The following IFNE variants were observed in gnomAD, a reference collection of about 807,000 sequenced individuals.
IFNE encodes IFN-epsilon.
For missense variants in IFNE, 276 were observed against 232.4 expected (o/e 1.19, Z -1.22); for synonymous variants, 94 against 87.4 (o/e 1.08, Z -0.42).
chr9:21,481,291 A>C lies in IFNE; in HGVS notation c.404T>G (p.Leu135Trp). Residue 135 changes from leucine (L) to tryptophan (W), a missense_variant, in exon 1 of 1, where the codon TTG (leucine) becomes TGG (tryptophan). Coordinates refer to ENST00000448696, the MANE Select transcript of IFNE (RefSeq NM_176891.5). Reference sequence around the variant, plus strand: ...TTGTAATCTAAGGTTATCACTACCCAAAGTACCACTTAGCTTCTCTGCTTC... The same window carrying C: ...TTGTAATCTAAGGTTATCACTACCCCAAGTACCACTTAGCTTCTCTGCTTC... Reference protein sequence around the residue: ...GLEAEKLSGTLGSDNLRLQVK... With the variant: ...GLEAEKLSGTWGSDNLRLQVK... 1.2e-6 allele frequency: 2 copies of C among 1,614,144 alleles called. No homozygotes were observed. The highest frequency in any genetic ancestry group is 1.7e-6 in the Non-Finnish European group (2 of 1,179,996).
Position 21,481,569 on chromosome 9 carries a change from C to A in IFNE, c.126G>T (p.Leu42Phe). Residue 42 changes from leucine (L) to phenylalanine (F), a missense_variant, in exon 1 of 1, where the codon TTG (leucine) becomes TTT (phenylalanine). Coordinates refer to ENST00000448696, the MANE Select transcript of IFNE (RefSeq NM_176891.5). The part of the protein sequence containing the change: ...RQVNQESLKL[L>F]NKLQTLSIQQ... ...GAATTGACAAGGTTTGCAACTTATT[C>A]AAGAGTTTTAAACTTTCTTGATTCA... is the stretch of plus-strand genomic sequence containing the variant. 6.2e-7 allele frequency: 1 copy of A among 1,614,092 alleles called. No homozygotes were observed. Among genetic ancestry groups the A allele is most frequent in the Non-Finnish European group, 8.5e-7 (1 of 1,179,994 alleles).
In IFNE at chr9:21,481,328, G is replaced by A; in HGVS notation, c.367C>T (p.Leu123Phe). 1 of 1,614,148 alleles carries A rather than the reference G, an allele frequency of 6.2e-7. No individual in the cohort carries two copies. The highest frequency in any genetic ancestry group is 8.5e-7 in the Non-Finnish European group (1 of 1,179,994). The change falls in exon 1 of 1, where the codon CTC (leucine) becomes TTC (phenylalanine). Residue 123 changes from leucine to phenylalanine, a missense_variant. Coordinates refer to ENST00000448696, the MANE Select transcript of IFNE (RefSeq NM_176891.5). ...LHQQLEYLEA[L>F]MGLEAEKLSG... ...AGCTTCTCTGCTTCCAGTCCCATGA[G>A]TGCTTCTAGGTATTCTAGCTGTTGA...
rs1309827228 is a variant in IFNE at position 21,481,317 on chromosome 9, C to T, written c.378G>A (p.Leu126=). Residue 126 remains leucine (L), a synonymous_variant, in exon 1 of 1, where the codon CTG becomes CTA. Transcript: ENST00000448696. ...AAGTACCACTTAGCTTCTCTGCTTC[C>T]AGTCCCATGAGTGCTTCTAGGTATT... ...QLEYLEALMG[L]EAEKLSGTLG... The T allele has an allele frequency of 6.2e-7, 1 of 1,614,142 alleles. No homozygotes were observed. Among genetic ancestry groups the T allele is most frequent in the Admixed American group, 1.7e-5 (1 of 60,024 alleles).
Position 21,481,498 on chromosome 9 carries a change from G to A in IFNE, c.197C>T (p.Ser66Phe). The change falls in exon 1 of 1, where the codon TCT (serine) becomes TTT (phenylalanine). Residue 66 changes from serine to phenylalanine, a missense_variant. Coordinates refer to ENST00000448696, the MANE Select transcript of IFNE (RefSeq NM_176891.5). Reference protein sequence around the residue: ...HRKNFLLPQKSLSPQQYQKGH... With the variant: ...HRKNFLLPQKFLSPQQYQKGH... ...TTTTTGGTACTGCTGAGGACTCAAA[G>A]ACTTCTGAGGAAGCAGAAAGTTTTT... 6.2e-7 allele frequency: 1 copy of A among 1,614,054 alleles called. No individual in the cohort carries two copies. Among genetic ancestry groups the A allele is most frequent in the Non-Finnish European group, 8.5e-7 (1 of 1,179,950 alleles).
In IFNE at chr9:21,482,262, A is replaced by C. The variant is rs1465724864; in HGVS notation, c.-568T>G. The C allele has an allele frequency of 6.0e-6, 1 of 166,788 alleles. No individual in the cohort carries two copies. Among genetic ancestry groups the C allele is most frequent in the East Asian group, 1.9e-4 (1 of 5,196 alleles). 10.3% of individuals were successfully genotyped at this position (166,788 alleles called of 1,614,324 possible). A position where few individuals can be genotyped will look rare whatever the true frequency, so the allele number is the denominator to read the frequency against. On this transcript the variant is annotated 5_prime_UTR_variant, in exon 1 of 1. Transcript: ENST00000448696. ...GCAAATAATTAATTTTAAAACATATATCAGCAATCTTAAATTATTTTATAT... is the reference window on the plus strand; with the variant it reads ...GCAAATAATTAATTTTAAAACATATCTCAGCAATCTTAAATTATTTTATAT...
rs1282500831 is a variant in IFNE at position 21,481,888 on chromosome 9, T to A, written c.-194A>T. The A allele has an allele frequency of 3.4e-6, 2 of 580,388 alleles. No individual in the cohort carries two copies. Among genetic ancestry groups the A allele is most frequent in the East Asian group, 3.0e-5 (1 of 33,474 alleles). 36.0% of individuals were successfully genotyped at this position (580,388 alleles called of 1,614,324 possible). Reference sequence around the variant, plus strand: ...CTTTTCATGGTGTTCAGAGTACATTTTCTCCATTTCCCTATTGTGTTGGCT... The same window carrying A: ...CTTTTCATGGTGTTCAGAGTACATTATCTCCATTTCCCTATTGTGTTGGCT... On this transcript the variant is annotated 5_prime_UTR_variant, in exon 1 of 1. The change creates a premature stop within an existing upstream ORF in the 5' untranslated region. Transcript: ENST00000448696.
At position 21,481,871 on chromosome 9, in the gene IFNE, G is replaced by A. The variant is rs995766872; in HGVS notation, c.-177C>T. 2 of 619,326 alleles carry A rather than the reference G, an allele frequency of 3.2e-6. No homozygotes were observed. Among genetic ancestry groups the A allele is most frequent in the African/African-American group, 1.9e-5 (1 of 53,716 alleles). 38.4% of individuals were successfully genotyped at this position (619,326 alleles called of 1,614,324 possible). Reference sequence around the variant, plus strand: ...TTAGATTTTCAGGTTCCCTTTTCATGGTGTTCAGAGTACATTTTCTCCATT... The same window carrying A: ...TTAGATTTTCAGGTTCCCTTTTCATAGTGTTCAGAGTACATTTTCTCCATT... On this transcript the variant is annotated 5_prime_UTR_variant, in exon 1 of 1. Coordinates refer to ENST00000448696, the MANE Select transcript of IFNE (RefSeq NM_176891.5).
At position 21,481,450 on chromosome 9, in the gene IFNE, T is replaced by C. The variant is rs1819040428; in HGVS notation, c.245A>G (p.His82Arg). 9 of 1,614,052 alleles carry C rather than the reference T, an allele frequency of 5.6e-6. No homozygotes were observed. The South Asian group carries it at 6.6e-5, about 12-fold the overall frequency. The change falls in exon 1 of 1, where the codon CAT (histidine) becomes CGT (arginine). Residue 82 changes from histidine to arginine, a missense_variant. By Grantham distance (29) the His-to-Arg change is conservative. Coordinates refer to ENST00000448696, the MANE Select transcript of IFNE (RefSeq NM_176891.5). ...GCTGAAGATCTGCTGAAGCATCTCATGGAGAATGGCCAGAGTGTGTCCTTT... is the reference window on the plus strand; with the variant it reads ...GCTGAAGATCTGCTGAAGCATCTCACGGAGAATGGCCAGAGTGTGTCCTTT... ...YQKGHTLAILHEMLQQIFSLF... is the reference protein window; with the variant it reads ...YQKGHTLAILREMLQQIFSLF...
In IFNE at chr9:21,481,032, A is replaced by G; in HGVS notation, c.*36T>C. The G allele has an allele frequency of 6.6e-7, 1 of 1,507,864 alleles. No homozygotes were observed. The highest frequency in any genetic ancestry group is 8.9e-7 in the Non-Finnish European group (1 of 1,118,228). 93.4% of individuals were successfully genotyped at this position (1,507,864 alleles called of 1,614,324 possible). A position where few individuals can be genotyped will look rare whatever the true frequency, so the allele number is the denominator to read the frequency against. On this transcript the variant is annotated 3_prime_UTR_variant, in exon 1 of 1. Transcript: ENST00000448696. ...TATAAATTGTATTACCACTCTATGAAGAATCATGTCTGGAGAAGTCCTCTA... is the reference window on the plus strand; with the variant it reads ...TATAAATTGTATTACCACTCTATGAGGAATCATGTCTGGAGAAGTCCTCTA...
rs1819041037 is a variant in IFNE at position 21,481,466 on chromosome 9, T to G, written c.229A>C (p.Thr77Pro). The part of the protein sequence containing the change: ...LSPQQYQKGH[T>P]LAILHEMLQQ... ...AGCATCTCATGGAGAATGGCCAGAG[T>G]GTGTCCTTTTTGGTACTGCTGAGGA... The change falls in exon 1 of 1, where the codon ACT (threonine) becomes CCT (proline). Residue 77 changes from threonine (T) to proline (P), a missense_variant. By Grantham distance (38) the Thr-to-Pro change is conservative. Coordinates refer to ENST00000448696, the MANE Select transcript of IFNE (RefSeq NM_176891.5). The G allele has an allele frequency of 2.9e-5, 47 of 1,613,944 alleles. No homozygotes were observed. Among genetic ancestry groups the G allele is most frequent in the East Asian group, 4.5e-5 (2 of 44,882 alleles).
rs376733508 is a variant in IFNE at position 21,481,058 on chromosome 9, G to A, written c.*10C>T. The A allele has an allele frequency of 4.4e-6, 7 of 1,587,286 alleles. No individual in the cohort carries two copies. In the African/African-American group the frequency reaches 9.5e-5, roughly 22 times the overall value. On this transcript the variant is annotated 3_prime_UTR_variant, in exon 1 of 1. Transcript: ENST00000448696. ...GAATCATGTCTGGAGAAGTCCTCTA[G>A]TCCCTCCACCTACCTCGGGCTTCTA...
At position 21,481,548 on chromosome 9, in the gene IFNE, T is replaced by C. The variant is rs1164706577; in HGVS notation, c.147A>G (p.Ser49=). Residue 49 remains serine, a synonymous_variant, in exon 1 of 1, where the codon TCA becomes TCG. Transcript: ENST00000448696. ...LKLLNKLQTL[S]IQQCLPHRKN... ...TCCTGTGTGGTAGACACTGCTGAAT[T>C]GACAAGGTTTGCAACTTATTCAAGA... is the stretch of plus-strand genomic sequence containing the variant. The C allele has an allele frequency of 6.2e-7, 1 of 1,614,134 alleles. No homozygotes were observed. Among genetic ancestry groups the C allele is most frequent in the Admixed American group, 1.7e-5 (1 of 60,026 alleles).
rs1426102061 is a variant in IFNE at position 21,481,867 on chromosome 9, T to C, written c.-173A>G. ...CACATTAGATTTTCAGGTTCCCTTTTCATGGTGTTCAGAGTACATTTTCTC... is the reference window on the plus strand; with the variant it reads ...CACATTAGATTTTCAGGTTCCCTTTCCATGGTGTTCAGAGTACATTTTCTC... On this transcript the variant is annotated 5_prime_UTR_variant, in exon 1 of 1. Transcript: ENST00000448696. 3.2e-6 allele frequency: 2 copies of C among 631,658 alleles called. No homozygotes were observed. Among genetic ancestry groups the C allele is most frequent in the East Asian group, 5.6e-5 (2 of 35,510 alleles). 39.1% of individuals were successfully genotyped at this position (631,658 alleles called of 1,614,324 possible). A position where few individuals can be genotyped will look rare whatever the true frequency, so the allele number is the denominator to read the frequency against.
chr9:21,481,378 G>A lies in IFNE; in HGVS notation c.317C>T (p.Thr106Met), dbSNP rs147289613. 69 of 1,614,000 alleles carry A rather than the reference G, an allele frequency of 4.3e-5. No homozygotes were observed. Among genetic ancestry groups the A allele is most frequent in the African/African-American group, 2.9e-4 (22 of 75,034 alleles). The change falls in exon 1 of 1, where the codon ACG (threonine) becomes ATG (methionine). Residue 106 changes from threonine (T) to methionine (M), a missense_variant. Physicochemically the swap from Thr to Met is moderately conservative, Grantham distance 81. Coordinates refer to ENST00000448696, the MANE Select transcript of IFNE (RefSeq NM_176891.5). ...ISLDGWEENHTEKFLIQLHQQ... is the reference protein window; with the variant it reads ...ISLDGWEENHMEKFLIQLHQQ... ...ATGAAGTTGAATGAGGAATTTCTCCGTGTGGTTTTCCTCCCAACCATCCAG... is the reference window on the plus strand; with the variant it reads ...ATGAAGTTGAATGAGGAATTTCTCCATGTGGTTTTCCTCCCAACCATCCAG...
chr9:21,481,035 A>ATCATG lies in IFNE; in HGVS notation c.*28_*32dup. 1 of 1,523,166 alleles carries ATCATG rather than the reference A, an allele frequency of 6.6e-7. No homozygotes were observed. The allele number at this position is 1,523,166 out of a possible 1,614,324, so 94.4% of individuals were successfully genotyped here. On this transcript the variant is annotated 3_prime_UTR_variant, in exon 1 of 1. Transcript: ENST00000448696. The stretch of plus-strand genomic sequence containing the variant: ...AAATTGTATTACCACTCTATGAAGA[A>ATCATG]TCATGTCTGGAGAAGTCCTCTAGTC...
rs1819022391 is a variant in IFNE at position 21,480,951 on chromosome 9, A to G, written c.*117T>C. On this transcript the variant is annotated 3_prime_UTR_variant, in exon 1 of 1. Coordinates refer to ENST00000448696, the MANE Select transcript of IFNE (RefSeq NM_176891.5). Reference sequence around the variant, plus strand: ...AAAACAATTGTGGTCAATATGCACAATCTTAAAACACAGATAAATATATAT... The same window carrying G: ...AAAACAATTGTGGTCAATATGCACAGTCTTAAAACACAGATAAATATATAT... The G allele has an allele frequency of 9.7e-6, 8 of 823,678 alleles. No homozygotes were observed. The Admixed American group carries it at 1.6e-4, about 17-fold the overall frequency. 51.0% of individuals were successfully genotyped at this position (823,678 alleles called of 1,614,324 possible).
rs1434193261 is a variant in IFNE, at chr9:21,481,684, T to G, written c.11A>C (p.Lys4Thr). 1.2e-6 allele frequency: 2 copies of G among 1,610,272 alleles called. No homozygotes were observed. Reference sequence around the variant, plus strand: ...CACCAACACAGTTCCAAAGAAGTGCTTGATAATCATGGTGAAGGTCAAATA... The same window carrying G: ...CACCAACACAGTTCCAAAGAAGTGCGTGATAATCATGGTGAAGGTCAAATA... MII[K>T]HFFGTVLVLL... Residue 4 changes from lysine (K) to threonine (T), a missense_variant, in exon 1 of 1, where the codon AAG (lysine) becomes ACG (threonine). Transcript: ENST00000448696.
chr9:21,481,201 C>T, the IFNE span: 3 of 1,614,148 alleles, frequency 1.9e-6, no homozygotes, highest in Non-Finnish European at 2.5e-6. Flanking sequence ...GACAATGGCC[C>T]AGGCACAGGT....
chr9:21,481,823 T>C lies in IFNE; in HGVS notation c.-129A>G. ...CTCTTTTGTTGCTTTCGTTTTCTAA[T>C]GTCATTTCTCCAAGTTTACACATTA... On this transcript the variant is annotated 5_prime_UTR_variant, in exon 1 of 1. Coordinates refer to ENST00000448696, the MANE Select transcript of IFNE (RefSeq NM_176891.5). The C allele has an allele frequency of 1.2e-6, 1 of 828,384 alleles. No homozygotes were observed. Among genetic ancestry groups the C allele is most frequent in the Non-Finnish European group, 1.9e-6 (1 of 528,970 alleles). The allele number at this position is 828,384 out of a possible 1,614,324, so 51.3% of individuals were successfully genotyped here. A position where few individuals can be genotyped will look rare whatever the true frequency, so the allele number is the denominator to read the frequency against.
Sources: gnomAD v4.1 joint callset for allele counts on GRCh38, gnomAD v4.1.1 for gene constraint, MANE v1.5 for transcripts, NCBI Gene and HGNC (gene_info 2026-07-23, HGNC 2026-07-21) for gene names.